RPS6KA2: variants seen among roughly 807,000 people sequenced by gnomAD.
RPS6KA2 encodes ribosomal protein S6 kinase alpha-2.
Under a neutral mutation model 91.8 loss-of-function variants are expected in RPS6KA2, and 42 were observed. That is an observed-to-expected ratio of 0.46 (90% confidence interval 0.36 to 0.59). The LOEUF is 0.59. RPS6KA2 is among the 20% of genes least tolerant of loss of function. RPS6KA2 has a pLI of 0.00. For synonymous variants in RPS6KA2, 414 were observed against 393.6 expected (o/e 1.05, Z -0.61); for missense variants, 798 against 978.5 (o/e 0.82, Z 2.46).
chr6:166,706,322 G>A (rs9459723), intron 2 of RPS6KA2, among the ~76,000 whole-genome samples: 20,077 of 152,164 alleles, frequency 0.13, 3,129 homozygotes, highest in African/African-American at 0.39. Context: ...GGCCAGGAAT[G>A]AAAACAGTTC....
chr6:166,551,252 A>G (rs944132282), intron 1 of RPS6KA2, among the ~76,000 whole-genome samples: 4 of 152,206 alleles, frequency 2.6e-5, no homozygotes, highest in African/African-American at 9.7e-5. Context: ...TGTGAATGGT[A>G]TTCTCCAATG....
Position 166,732,730 on chromosome 6 carries a change from C to G in RPS6KA2, c.123+125470G>C, listed in dbSNP as rs6456112. Among the ~76,000 whole-genome samples the G allele has an allele frequency of 6.6e-6, 1 of 151,942 alleles. No homozygotes were observed. Among genetic ancestry groups the G allele is most frequent in the African/African-American group, 2.4e-5 (1 of 41,320 alleles). The stretch of plus-strand genomic sequence containing the variant: ...TTAGGTGCAGAGATGGGGGTGCACC[C>G]AGGGCACAGCACAGGGGCCCGGTCA... On this transcript the variant is annotated intron_variant, in intron 2 of 21. Transcript: ENST00000503859. The surrounding 1 kb of genome is among the most constrained non-coding windows in gnomAD (Gnocchi z 4.0).
chr6:166,727,193 C>G (rs1790361372), intron 2 of RPS6KA2, among the ~76,000 whole-genome samples: 1 of 152,134 alleles, frequency 6.6e-6, no homozygotes, highest in South Asian at 2.1e-4. Flanking sequence ...CAACAAAACA[C>G]ACCTCACATG....
At chr6:166,823,433 C>CTGTG (rs1779952953) in intron 2 of RPS6KA2, among the ~76,000 whole-genome samples, 2 of 76,058 alleles carry the variant, frequency 2.6e-5, no homozygotes, top group East Asian at 3.8e-4. Context: ...ATTGGTTTTG[C>CTGTG]AGTGTGTGTG....
intron 2 of RPS6KA2, among the ~76,000 whole-genome samples, chr6:166,642,171 C>A (rs534872203): frequency 6.6e-6 from 1 of 152,078 alleles, no homozygotes; most frequent in South Asian, 2.1e-4. Flanking sequence ...GAAAAGACAA[C>A]TTTTCTACAA....
chr6:166,670,239 T>C (rs1183526811), intron 2 of RPS6KA2, among the ~76,000 whole-genome samples: 1 of 152,250 alleles, frequency 6.6e-6, no homozygotes, highest in East Asian at 1.9e-4. Context: ...CCTTGCCCTT[T>C]TCGGCAGCCT....
chr6:166,573,559 T>A (rs1784752273), intron 1 of RPS6KA2, among the ~76,000 whole-genome samples: 1 of 152,202 alleles, frequency 6.6e-6, no homozygotes. Flanking sequence ...TGCCCCTGGG[T>A]CAGGCTGCAG....
At chr6:166,715,415 C>T (rs377396995) in intron 2 of RPS6KA2, among the ~76,000 whole-genome samples, 1 of 152,094 alleles carries the variant, frequency 6.6e-6, no homozygotes, top group Non-Finnish European at 1.5e-5. Flanking sequence ...GTGGGGATAG[C>T]CAAAAAATGC....
At chr6:166,466,572 C>T (rs561644104) in intron 11 of RPS6KA2, among the ~76,000 whole-genome samples, 1 of 152,322 alleles carries the variant, frequency 6.6e-6, no homozygotes, top group East Asian at 1.9e-4. Flanking sequence ...CCTGCAGCTC[C>T]CCCTCCCAGC....
chr6:166,521,014 A>G (rs1782836068), intron 3 of RPS6KA2, among the ~76,000 whole-genome samples: 1 of 152,198 alleles, frequency 6.6e-6, no homozygotes, highest in African/African-American at 2.4e-5. Flanking sequence ...TGGGCTGCCC[A>G]CCCTCCAGCA....
At chr6:166,647,828 G>C (rs1162730453) in intron 2 of RPS6KA2, among the ~76,000 whole-genome samples, 1 of 99,590 alleles carries the variant, frequency 1.0e-5, no homozygotes, top group Non-Finnish European at 2.2e-5. Flanking sequence ...TCACACACAT[G>C]CACATGCTCA....
chr6:166,578,105 C>T (rs1398675165), intron 1 of RPS6KA2, among the ~76,000 whole-genome samples: 2 of 152,156 alleles, frequency 1.3e-5, no homozygotes, highest in East Asian at 1.9e-4. Flanking sequence ...AACTGTAAGT[C>T]CAATTAAACC....
At chr6:166,781,636 G>A (rs1381229202) in intron 2 of RPS6KA2, among the ~76,000 whole-genome samples, 2 of 152,234 alleles carry the variant, frequency 1.3e-5, no homozygotes, top group East Asian at 3.8e-4. Context: ...TCAGGCAGGT[G>A]CTTGGTAAAC....
In RPS6KA2 at chr6:166,644,900, G is replaced by A. The variant is rs79398280; in HGVS notation, c.124-106116C>T. On this transcript the variant is annotated intron_variant, in intron 2 of 21. Transcript: ENST00000503859. ...ACACATACACACAGAGGAATGCCTG[G>A]TGAAGGAGGAAACAGAGATTGGAGC... 8.5e-5 allele frequency among the ~76,000 whole-genome samples: 13 copies of A among 152,338 alleles called. No homozygotes were observed. In the East Asian group the frequency reaches 2.5e-3, roughly 29 times the overall value.
rs531442104 is a variant in RPS6KA2 at position 166,583,826 on chromosome 6, G to A, written c.99+43095C>T. Among the ~76,000 whole-genome samples the A allele has an allele frequency of 6.6e-5, 10 of 152,314 alleles. No homozygotes were observed. The South Asian group carries it at 1.0e-3, about 16-fold the overall frequency. On this transcript the variant is annotated intron_variant, in intron 1 of 20. Coordinates refer to ENST00000265678, the MANE Select transcript of RPS6KA2 (RefSeq NM_021135.6). Reference sequence around the variant, plus strand: ...AATGTGCAAACTGGCTGGTTCTCACGTTTTTCTACAGCATTTTACTTCCAT... The same window carrying A: ...AATGTGCAAACTGGCTGGTTCTCACATTTTTCTACAGCATTTTACTTCCAT...
At chr6:166,855,344 C>G (rs9364880) in intron 2 of RPS6KA2, among the ~76,000 whole-genome samples, 1 of 147,832 alleles carries the variant, frequency 6.8e-6, no homozygotes, top group African/African-American at 2.6e-5. Context: ...ACGAAGAAGA[C>G]GAAGAAGACA....
At chr6:166,457,202 G>A (rs538430667) in intron 12 of RPS6KA2, among the ~76,000 whole-genome samples, 52 of 152,300 alleles carry the variant, frequency 3.4e-4, no homozygotes, top group African/African-American at 1.3e-3. Context: ...CAACGATCTC[G>A]TGGTCAGACC....
At chr6:166,542,545 T>C (rs1193754066) in intron 1 of RPS6KA2, 2 of 152,172 alleles carry the variant, frequency 1.3e-5, no homozygotes, top group Non-Finnish European at 2.9e-5. Context: ...TTTTGTAACG[T>C]AAGAAAGAAA....
chr6:166,838,217 T>C (rs187845541), intron 2 of RPS6KA2, among the ~76,000 whole-genome samples: 35 of 151,316 alleles, frequency 2.3e-4, no homozygotes, highest in East Asian at 1.4e-3. Context: ...AGAGGTACAA[T>C]TGAGCTATAA....
Sources: allele counts gnomAD v4.1 joint callset (sites outside exome capture counted in the v4.1 genomes callset), GRCh38; gene constraint gnomAD v4.1.1; non-coding constraint Gnocchi (gnomAD v3.1); transcripts MANE v1.5; gene names NCBI Gene and HGNC (gene_info 2026-07-23, HGNC 2026-07-21).